ARHGAP29: variants seen among roughly 807,000 people sequenced by gnomAD.
The protein encoded by ARHGAP29 is rho GTPase-activating protein 29.
Under a neutral mutation model 122.6 loss-of-function variants are expected in ARHGAP29, and 43 were observed. That is an observed-to-expected ratio of 0.35 (90% CI 0.27 to 0.45). The LOEUF (loss-of-function observed/expected upper bound fraction) is 0.45. Ranked by LOEUF, ARHGAP29 falls within the 20% of genes least tolerant of loss-of-function variation. ARHGAP29 has a pLI of 1.00. For missense variants in ARHGAP29, 1,303 were observed against 1,477.2 expected (o/e 0.88, Z 1.93); for synonymous variants, 506 against 497.1 (o/e 1.02, Z -0.24).
At chr1:94,287,189 T>C in the ARHGAP29 span, among the ~76,000 whole-genome samples, 1 of 152,140 alleles carries the variant, frequency 6.6e-6, no homozygotes, top group African/African-American at 2.4e-5. Flanking sequence ...ATAAAGGATA[T>C]TACAAAGAAT....
At chr1:94,266,044 G>C (rs1224137345) in intron 1 of ARHGAP29, among the ~76,000 whole-genome samples, 1 of 152,230 alleles carries the variant, frequency 6.6e-6, no homozygotes, top group Non-Finnish European at 1.5e-5. Context: ...TTATGAGCCA[G>C]CAGGGCAAGG....
chr1:94,241,798 T>A (rs961650169), upstream of ARHGAP29, among the ~76,000 whole-genome samples: 2 of 149,248 alleles, frequency 1.3e-5, no homozygotes, highest in Non-Finnish European at 3.0e-5. Flanking sequence ...TTCCCTGTAG[T>A]AAACAACTAG....
the ARHGAP29 span, among the ~76,000 whole-genome samples, chr1:94,308,373 G>A: frequency 6.6e-6 from 1 of 152,008 alleles, no homozygotes; most frequent in Non-Finnish European, 1.5e-5. Context: ...CAAGATCTTG[G>A]TCTGGGTCTC....
intron 1 of ARHGAP29, among the ~76,000 whole-genome samples, chr1:94,256,719 C>T (rs9432270): frequency 0.024 from 3,614 of 151,362 alleles, 167 homozygotes; most frequent in African/African-American, 0.084. Context: ...CTACCACGCC[C>T]GGCTAATTTA....
intron 1 of ARHGAP29, among the ~76,000 whole-genome samples, chr1:94,274,007 C>T (rs1281417890): frequency 6.6e-6 from 1 of 152,026 alleles, no homozygotes; most frequent in Non-Finnish European, 1.5e-5. Flanking sequence ...GAGATTATCC[C>T]ATTTATTCCA....
At chr1:94,233,101 C>T (rs1653024825) in intron 1 of ARHGAP29, among the ~76,000 whole-genome samples, 1 of 151,416 alleles carries the variant, frequency 6.6e-6, no homozygotes, top group Admixed American at 6.6e-5. Flanking sequence ...CACAACACCA[C>T]ACCTAGCTAG....
intron 2 of ARHGAP29, among the ~76,000 whole-genome samples, chr1:94,230,721 A>T (rs990574145): frequency 1.3e-5 from 2 of 151,904 alleles, no homozygotes. Context: ...CATTTATCAT[A>T]GAAGAATAGG....
At chr1:94,216,438 T>C (rs144219695) in intron 3 of ARHGAP29, among the ~76,000 whole-genome samples, 137 of 152,324 alleles carry the variant, frequency 9.0e-4, no homozygotes, top group African/African-American at 3.2e-3. Flanking sequence ...TTTGCTTGTA[T>C]ATGTGTATCT....
intron 2 of ARHGAP29, among the ~76,000 whole-genome samples, chr1:94,223,532 T>C (rs1652442452): frequency 6.6e-6 from 1 of 152,128 alleles, no homozygotes; most frequent in African/African-American, 2.4e-5. Context: ...CCTTCATAAA[T>C]GTTTGCAGCT....
intron 3 of ARHGAP29, among the ~76,000 whole-genome samples, chr1:94,211,297 A>AC (rs1267918096): frequency 1.1e-4 from 16 of 148,524 alleles, no homozygotes; most frequent in African/African-American, 2.7e-4. Flanking sequence ...CAAAAAAAAA[A>AC]AAAAAAAAAA....
In ARHGAP29 at chr1:94,205,117, G is replaced by A; in HGVS notation, c.641C>T (p.Thr214Ile). 6.2e-7 allele frequency: 1 copy of A among 1,608,238 alleles called. No homozygotes were observed. The highest frequency in any genetic ancestry group is 8.5e-7 in the Non-Finnish European group (1 of 1,177,846). The change falls in exon 7 of 23, where the codon ACT (threonine) becomes ATT (isoleucine). Residue 214 changes from threonine (T) to isoleucine (I), a missense_variant. Physicochemically the swap from Thr to Ile is moderately conservative, Grantham distance 89. Coordinates refer to ENST00000260526, the MANE Select transcript of ARHGAP29 (RefSeq NM_004815.4). Reference sequence around the variant, plus strand: ...TATGTTCTTAGTATATTTTGACCAAGTTTTAGCATATGACAAAGCCAGCTC... The same window carrying A: ...TATGTTCTTAGTATATTTTGACCAAATTTTAGCATATGACAAAGCCAGCTC... Reference protein sequence around the residue: ...SIELALSYAKTWSKYTKNIVS... With the variant: ...SIELALSYAKIWSKYTKNIVS...
chr1:94,285,798 C>T, the ARHGAP29 span, among the ~76,000 whole-genome samples: 9 of 150,888 alleles, frequency 6.0e-5, no homozygotes, highest in South Asian at 6.3e-4. Context: ...TCACTTGAAC[C>T]CGGGAGGCGG....
rs757995655 is a variant in ARHGAP29, at chr1:94,202,683, C to T, written c.1004G>A (p.Arg335His). Residue 335 changes from arginine to histidine, a missense_variant, in exon 11 of 23, where the codon CGT (arginine) becomes CAT (histidine). Physicochemically the swap from Arg to His is conservative, Grantham distance 29 (BLOSUM62 0). This residue lies in a region of ARHGAP29 where 592 missense variants were observed against 648.2 expected (regional missense o/e 0.91). Coordinates refer to ENST00000260526, the MANE Select transcript of ARHGAP29 (RefSeq NM_004815.4). ...LKKAKLLCMQ[R>H]QDEYEKAKSS... ...CTTTGCTTTCTCATATTCATCTTGACGTTGCATGCATAATAATTTTGCCTT... is the reference window on the plus strand; with the variant it reads ...CTTTGCTTTCTCATATTCATCTTGATGTTGCATGCATAATAATTTTGCCTT... The T allele has an allele frequency of 6.2e-6, 10 of 1,613,924 alleles. No homozygotes were observed. The highest frequency in any genetic ancestry group is 5.5e-5 in the South Asian group (5 of 91,068).
the ARHGAP29 span, among the ~76,000 whole-genome samples, chr1:94,289,858 G>C: frequency 1.3e-5 from 2 of 152,192 alleles, no homozygotes; most frequent in Admixed American, 6.5e-5. Flanking sequence ...GATTGTGGTG[G>C]ATAAGCTTTT....
Position 94,174,562 on chromosome 1 carries a change from A to T in ARHGAP29, c.3093T>A (p.Pro1031=), listed in dbSNP as rs758248697. 5 of 1,614,206 alleles carry T rather than the reference A, an allele frequency of 3.1e-6. No individual in the cohort carries two copies. The highest frequency in any genetic ancestry group is 4.2e-6 in the Non-Finnish European group (5 of 1,180,032). ...PVDRLLLASP[P]NERNGRNMGN... ...CCATATTTCTGCCATTTCTCTCATTAGGAGGACTTGCAAGAAGTAGTCTAT... is the reference window on the plus strand; with the variant it reads ...CCATATTTCTGCCATTTCTCTCATTTGGAGGACTTGCAAGAAGTAGTCTAT... Residue 1031 remains proline, a synonymous_variant, in exon 23 of 23, where the codon CCT becomes CCA. Transcript: ENST00000260526.
upstream of ARHGAP29, among the ~76,000 whole-genome samples, chr1:94,239,978 G>A (rs1240945493): frequency 3.3e-5 from 5 of 152,192 alleles, no homozygotes; most frequent in Non-Finnish European, 5.9e-5. Flanking sequence ...CTCACCCAGT[G>A]ATGACTCAAA....
At chr1:94,245,476 T>C (rs1653759471) in intron 1 of ARHGAP29, among the ~76,000 whole-genome samples, 1 of 152,144 alleles carries the variant, frequency 6.6e-6, no homozygotes, top group Admixed American at 6.5e-5. Context: ...ACACACACAC[T>C]GTATATCTTT....
Position 94,202,577 on chromosome 1 carries a change from T to C in ARHGAP29, c.1110A>G (p.Lys370=). The part of the protein sequence containing the change: ...LAKNLNKQLE[K]KRRLEEEALQ... The stretch of plus-strand genomic sequence containing the variant: ...GAGCCTCCTCTTCCAACCTTCGCTT[T>C]TTTTCTAGTTGCTTGTTGAGATTTT... Residue 370 remains lysine (K), a synonymous_variant, in exon 11 of 23, where the codon AAA becomes AAG. Transcript: ENST00000260526. The C allele has an allele frequency of 1.2e-6, 2 of 1,614,178 alleles. No homozygotes were observed. The highest frequency in any genetic ancestry group is 3.3e-5 in the Admixed American group (2 of 60,014).
chr1:94,204,541 C>A (rs1359156356), intron 7 of ARHGAP29, among the ~76,000 whole-genome samples: 1 of 152,174 alleles, frequency 6.6e-6, no homozygotes, highest in Non-Finnish European at 1.5e-5. Flanking sequence ...TGACTTTAAG[C>A]AAATCTGCTA....
Sources: allele counts gnomAD v4.1 joint callset (sites outside exome capture counted in the v4.1 genomes callset), GRCh38; gene constraint gnomAD v4.1.1; regional missense constraint gnomAD v4.1.1; transcripts MANE v1.5; gene names NCBI Gene and HGNC (gene_info 2026-07-23, HGNC 2026-07-21).